The following GLRA3 variants were observed in gnomAD, a reference collection of about 807,000 sequenced individuals.
GLRA3 encodes glycine receptor subunit alpha-3.
A neutral mutation model predicts 60.4 loss-of-function variants in GLRA3; 44 were observed. That is an observed-to-expected ratio of 0.73 (90% CI 0.57 to 0.94). The LOEUF is 0.94. GLRA3 is among the 40% of genes least tolerant of loss of function. The pLI, the probability that GLRA3 is intolerant of heterozygous loss-of-function variation, is 0.00. For missense variants in GLRA3, 508 were observed against 564.6 expected, an observed-to-expected ratio of 0.90 and a Z score of 1.02; for synonymous variants, 223 against 192.9, an observed-to-expected ratio of 1.16 and a Z score of -1.29.
chr4:174,781,456 A>T (rs1277046758), intron 2 of GLRA3, among the ~76,000 whole-genome samples: 3 of 141,282 alleles, frequency 2.1e-5, no homozygotes, highest in Non-Finnish European at 4.6e-5. Context: ...GCAAGAAATA[A>T]CTAAAATCAG....
intron 1 of GLRA3, among the ~76,000 whole-genome samples, chr4:174,790,990 C>G (rs1301533904): frequency 7.2e-6 from 1 of 138,390 alleles, no homozygotes; most frequent in Non-Finnish European, 1.5e-5. Flanking sequence ...GACCACACAG[C>G]GAGACTCCAT....
chr4:174,656,650 C>T, intron 9 of GLRA3, 93 bp downstream of exon 9: 5 of 658,348 alleles, frequency 7.6e-6, no homozygotes, highest in Middle Eastern at 2.5e-4. Context: ...GCTGTGTTTC[C>T]CCACCAAACA....
chr4:174,728,309 GTT>G (rs2111131961), intron 4 of GLRA3, among the ~76,000 whole-genome samples, 164 bp downstream of exon 4: 1 of 152,230 alleles, frequency 6.6e-6, no homozygotes, highest in South Asian at 2.1e-4. Context: ...ACTTGGGTCT[GTT>G]ATTATTGATC....
chr4:174,705,598 T>C (rs1735480251), intron 5 of GLRA3, among the ~76,000 whole-genome samples: 1 of 141,602 alleles, frequency 7.1e-6, no homozygotes, highest in Admixed American at 7.3e-5. Flanking sequence ...TTTTCAGTTA[T>C]GTAAGAGAAG....
chr4:174,817,006 C>A (rs1204223491), intron 1 of GLRA3, among the ~76,000 whole-genome samples: 4 of 152,124 alleles, frequency 2.6e-5, no homozygotes. Flanking sequence ...GACCATGCTC[C>A]TTTCCTACCT....
intron 7 of GLRA3, among the ~76,000 whole-genome samples, chr4:174,671,484 A>G (rs187254735): frequency 2.6e-5 from 4 of 152,254 alleles, no homozygotes; most frequent in Non-Finnish European, 5.9e-5. Context: ...CTATCCTTTT[A>G]TTGTAATCAA....
intron 3 of GLRA3, among the ~76,000 whole-genome samples, chr4:174,732,118 A>C (rs1383945525): frequency 6.6e-6 from 1 of 152,352 alleles, no homozygotes; most frequent in East Asian, 1.9e-4. Flanking sequence ...GCACTTCGGG[A>C]GGCCGAGGTG....
At chr4:174,734,677 C>T (rs1231386991) in intron 3 of GLRA3, among the ~76,000 whole-genome samples, 2 of 152,122 alleles carry the variant, frequency 1.3e-5, no homozygotes, top group East Asian at 1.9e-4. Flanking sequence ...TTGATTAGAA[C>T]ATAAAATGTG....
chr4:174,662,764 G>A (rs1406120801), intron 7 of GLRA3, among the ~76,000 whole-genome samples: 1 of 151,392 alleles, frequency 6.6e-6, no homozygotes, highest in African/African-American at 2.4e-5. Flanking sequence ...AGAATCTCAT[G>A]GTACCTGTGC....
chr4:174,686,971 T>A (rs1315378161), intron 5 of GLRA3, among the ~76,000 whole-genome samples: 1 of 152,228 alleles, frequency 6.6e-6, no homozygotes, highest in South Asian at 2.1e-4. Flanking sequence ...AATTTGTGCT[T>A]GAGTAGCATT....
At chr4:174,823,155 G>A (rs1740813536) in intron 1 of GLRA3, among the ~76,000 whole-genome samples, 1 of 152,036 alleles carries the variant, frequency 6.6e-6, no homozygotes, top group African/African-American at 2.4e-5. Context: ...GTTCTCTGGA[G>A]TTACTTGTCT....
intron 1 of GLRA3, among the ~76,000 whole-genome samples, chr4:174,793,434 T>G (rs967240152): frequency 1.4e-5 from 2 of 145,372 alleles, no homozygotes; most frequent in African/African-American, 2.5e-5. Context: ...ATTTATTTAT[T>G]TATTTATTTA....
At chr4:174,684,513 A>AT (rs1323470537) in intron 5 of GLRA3, among the ~76,000 whole-genome samples, 1 of 152,192 alleles carries the variant, frequency 6.6e-6, no homozygotes, top group African/African-American at 2.4e-5. Flanking sequence ...AGAACTGCAG[A>AT]TTTTTATCTT....
At chr4:174,652,494 G>T (rs1041959258) in intron 9 of GLRA3, among the ~76,000 whole-genome samples, 1 of 151,996 alleles carries the variant, frequency 6.6e-6, no homozygotes, top group Non-Finnish European at 1.5e-5. Context: ...AAGTTAGAAT[G>T]GTAGGCAACG....
chr4:174,699,114 C>T (rs978555422), intron 5 of GLRA3, among the ~76,000 whole-genome samples: 3 of 151,780 alleles, frequency 2.0e-5, no homozygotes, highest in South Asian at 2.1e-4. Flanking sequence ...TCTCCTGTCT[C>T]GGCCACCTGA....
intron 5 of GLRA3, among the ~76,000 whole-genome samples, chr4:174,696,337 T>C (rs1735052254): frequency 6.6e-6 from 1 of 151,590 alleles, no homozygotes. Context: ...TATTGGCATG[T>C]ATAAAGCATA....
At chr4:174,644,564 AT>A (rs1732746547) in intron 9 of GLRA3, among the ~76,000 whole-genome samples, 2 of 152,114 alleles carry the variant, frequency 1.3e-5, no homozygotes, top group Admixed American at 6.6e-5. Context: ...GTCTAGTTCA[AT>A]AATACTGTTT....
intron 5 of GLRA3, among the ~76,000 whole-genome samples, chr4:174,703,681 G>C (rs1257881980): frequency 6.6e-6 from 1 of 152,116 alleles, no homozygotes; most frequent in Admixed American, 6.5e-5. Flanking sequence ...TCCTAGAGTT[G>C]AGATGACTTT....
intron 6 of GLRA3, 100 bp from the exon 7 acceptor site, chr4:174,677,392 C>T (rs1338406770): frequency 5.8e-6 from 4 of 690,394 alleles, no homozygotes; most frequent in Non-Finnish European, 1.0e-5. Flanking sequence ...CAGGGTCTCA[C>T]TCTGTCCCCC....
Sources: allele counts gnomAD v4.1 joint callset (sites outside exome capture counted in the v4.1 genomes callset), GRCh38; gene constraint gnomAD v4.1.1; transcripts MANE v1.5; gene names NCBI Gene and HGNC (gene_info 2026-07-23, HGNC 2026-07-21).